The following DLG2 variants were observed in gnomAD, a reference collection of about 807,000 sequenced individuals.
DLG2 encodes discs large MAGUK scaffold protein 2, also known as disks large homolog 2.
Under a neutral mutation model 132.5 loss-of-function variants are expected in DLG2, and 45 were observed. The ratio of observed to expected loss-of-function variants is 0.34; its 90% CI spans 0.27 to 0.44. The LOEUF (loss-of-function observed/expected upper bound fraction) is 0.44. Among genes scored for constraint, DLG2 ranks in the 20% least tolerant of loss-of-function variants. The pLI is 1.00. For synonymous variants in DLG2, 424 were observed against 419.6 expected, an observed-to-expected ratio of 1.01 and a Z score of -0.13; for missense variants, 1,045 against 1,196.9, an observed-to-expected ratio of 0.87 and a Z score of 1.87.
chr11:84,131,253 A>G (rs2094410145), intron 9 of DLG2, among the ~76,000 whole-genome samples: 1 of 152,034 alleles, frequency 6.6e-6, no homozygotes, highest in Admixed American at 6.6e-5. Context: ...AAGACAGGTC[A>G]GTGAAGTGGC....
At chr11:83,594,918 T>C (rs1165529664) in intron 19 of DLG2, among the ~76,000 whole-genome samples, 2 of 152,218 alleles carry the variant, frequency 1.3e-5, no homozygotes, top group Non-Finnish European at 2.9e-5. Flanking sequence ...AACTAAAAGG[T>C]AGATCTTCCA....
intron 3 of DLG2, among the ~76,000 whole-genome samples, chr11:85,365,822 C>CT (rs1357205253): frequency 1.3e-5 from 2 of 152,140 alleles, no homozygotes; most frequent in Admixed American, 6.6e-5. Flanking sequence ...TCTCAGCAAA[C>CT]TAACACAGGA....
At chr11:83,891,204 T>G (rs979138473) in intron 15 of DLG2, among the ~76,000 whole-genome samples, 2 of 151,822 alleles carry the variant, frequency 1.3e-5, no homozygotes, top group East Asian at 3.9e-4. Flanking sequence ...AAAACTGAAA[T>G]GAAGACTTAG....
intron 7 of DLG2, among the ~76,000 whole-genome samples, chr11:84,366,248 C>T (rs966252541): frequency 1.4e-3 from 213 of 152,084 alleles, no homozygotes; most frequent in Middle Eastern, 3.4e-3. Flanking sequence ...AAATACTTTA[C>T]GGACAAGCAA....
At chr11:83,650,059 A>G (rs1373853150) in intron 18 of DLG2, among the ~76,000 whole-genome samples, 1 of 152,242 alleles carries the variant, frequency 6.6e-6, no homozygotes, top group Non-Finnish European at 1.5e-5. Flanking sequence ...GTAAATTAGC[A>G]CAGACATTCT....
At chr11:84,069,875 A>C (rs986758324) in intron 10 of DLG2, among the ~76,000 whole-genome samples, 3 of 152,216 alleles carry the variant, frequency 2.0e-5, no homozygotes, top group African/African-American at 7.2e-5. Context: ...TTCCAAAGTG[A>C]GAGGGTCATG....
chr11:85,407,495 C>T (rs2088867280), intron 3 of DLG2, among the ~76,000 whole-genome samples: 1 of 151,872 alleles, frequency 6.6e-6, no homozygotes, highest in Admixed American at 6.6e-5. Flanking sequence ...CAAACAACTG[C>T]TGTGTGTCAG....
intron 6 of DLG2, among the ~76,000 whole-genome samples, chr11:84,844,135 G>GTGTGTGTA (rs1227140689): frequency 2.3e-5 from 1 of 43,694 alleles, no homozygotes; most frequent in South Asian, 8.2e-4. Flanking sequence ...GTGTGTGTGT[G>GTGTGTGTA]TATATATATA....
chr11:84,214,240 A>C (rs1351781766), intron 8 of DLG2, among the ~76,000 whole-genome samples: 4 of 129,372 alleles, frequency 3.1e-5, no homozygotes, highest in African/African-American at 1.7e-4. Flanking sequence ...CATATATATG[A>C]ATATATATAT....
intron 3 of DLG2, among the ~76,000 whole-genome samples, chr11:85,431,465 C>T (rs559793629): frequency 8.4e-4 from 128 of 152,348 alleles, no homozygotes; most frequent in Admixed American, 2.3e-3. Flanking sequence ...CTCCCAACCA[C>T]GGAGCCCTGC....
chr11:85,381,608 A>G (rs1042366209), intron 3 of DLG2, among the ~76,000 whole-genome samples: 3 of 152,116 alleles, frequency 2.0e-5, no homozygotes, highest in Non-Finnish European at 2.9e-5. Context: ...ATACTAAGGA[A>G]TTCACACACA....
At chr11:84,655,283 C>T (rs994684345) in intron 6 of DLG2, among the ~76,000 whole-genome samples, 1 of 151,986 alleles carries the variant, frequency 6.6e-6, no homozygotes, top group African/African-American at 2.4e-5. Context: ...ACCTATAATC[C>T]AGCTACTCAA....
chr11:85,212,682 C>G (rs1028389191), intron 4 of DLG2, among the ~76,000 whole-genome samples: 2 of 152,136 alleles, frequency 1.3e-5, no homozygotes, highest in East Asian at 3.9e-4. Context: ...CTCACATCTA[C>G]TATCTCCTTA....
At chr11:85,041,837 A>G (rs922631973) in intron 6 of DLG2, among the ~76,000 whole-genome samples, 16 of 151,962 alleles carry the variant, frequency 1.1e-4, no homozygotes, top group African/African-American at 3.9e-4. Flanking sequence ...GGTACCATTC[A>G]CTAACATGGA....
At chr11:85,106,706 C>G (rs980163537) in intron 6 of DLG2, among the ~76,000 whole-genome samples, 1 of 151,836 alleles carries the variant, frequency 6.6e-6, no homozygotes, top group Non-Finnish European at 1.5e-5. Context: ...TGTACATAAA[C>G]TCAGATTAGG....
At chr11:83,688,077 T>A (rs1467730005) in intron 18 of DLG2, among the ~76,000 whole-genome samples, 3 of 151,934 alleles carry the variant, frequency 2.0e-5, no homozygotes, top group African/African-American at 7.3e-5. Flanking sequence ...GAAGAAGCTG[T>A]GCTCTCAATC....
chr11:83,648,612 C>T (rs1275482398), intron 18 of DLG2, among the ~76,000 whole-genome samples: 5 of 152,070 alleles, frequency 3.3e-5, no homozygotes, highest in Admixed American at 3.3e-4. Context: ...AATAGAACCC[C>T]TACATTCATG....
chr11:85,529,216 T>A (rs2075018471), intron 3 of DLG2, among the ~76,000 whole-genome samples: 1 of 152,186 alleles, frequency 6.6e-6, no homozygotes, highest in African/African-American at 2.4e-5. Flanking sequence ...CTCCTTCACC[T>A]ACATTCCTGA....
intron 18 of DLG2, among the ~76,000 whole-genome samples, chr11:83,774,981 T>C (rs951390718): frequency 2.7e-5 from 4 of 150,764 alleles, no homozygotes; most frequent in African/African-American, 1.0e-4. Flanking sequence ...AAACTATTCC[T>C]AGAGCCAAGC....
Sources: allele counts gnomAD v4.1 joint callset (sites outside exome capture counted in the v4.1 genomes callset), GRCh38; gene constraint gnomAD v4.1.1; transcripts MANE v1.5; gene names NCBI Gene and HGNC (gene_info 2026-07-23, HGNC 2026-07-21).